Variants in TMEM132B observed in about 807,000 individuals in gnomAD.
TMEM132B encodes transmembrane protein 132B.
TMEM132B carries 18 observed loss-of-function variants against 90.8 expected under a neutral mutation model. The observed-to-expected ratio is 0.20, with a 90% CI of 0.14 to 0.29. The LOEUF is 0.29. TMEM132B is among the 10% of genes least tolerant of loss of function. The pLI, the probability that TMEM132B is intolerant of heterozygous loss-of-function variation, is 1.00. For missense variants in TMEM132B, 1,096 were observed against 1,326.8 expected (o/e 0.83, Z 2.70); for synonymous variants, 504 against 523.3 (o/e 0.96, Z 0.50).
chr12:125,505,616 A>T lies in TMEM132B; in HGVS notation c.1107-13823A>T, dbSNP rs188011063. On this transcript the variant is annotated intron_variant, in intron 3 of 8. Coordinates refer to ENST00000682704, the MANE Select transcript of TMEM132B (RefSeq NM_001366854.1). ...CGGGAGGCTGAGGCAGGAGAATCGC[A>T]TGAACCGGGAGGCAGAGGTTGCAGT... is the stretch of plus-strand genomic sequence containing the variant. 7.9e-3 allele frequency among the ~76,000 whole-genome samples: 1,203 copies of T among 151,794 alleles called. 10 individuals carry two copies. Among genetic ancestry groups the T allele is most frequent in the African/African-American group, 0.027 (1,126 of 41,390 alleles).
intron 5 of TMEM132B, among the ~76,000 whole-genome samples, chr12:125,614,991 T>TG (rs1885952343): frequency 1.3e-5 from 2 of 152,226 alleles, no homozygotes; most frequent in Admixed American, 1.3e-4. Context: ...CTTTTGAATG[T>TG]TATCCTGCTG....
chr12:125,349,783 C>T lies in TMEM132B; in HGVS notation c.399C>T (p.Ser133=). 1 of 1,614,210 alleles carries T rather than the reference C, an allele frequency of 6.2e-7. No individual in the cohort carries two copies. The highest frequency in any genetic ancestry group is 8.5e-7 in the Non-Finnish European group (1 of 1,180,042). ...TGAAATCCCACATCCTTGACAGCTCCATCTACTCCAACAGACCCAAAGTGC... is the reference window on the plus strand; with the variant it reads ...TGAAATCCCACATCCTTGACAGCTCTATCTACTCCAACAGACCCAAAGTGC... ...WKLKSHILDS[S]IYSNRPKVQT... is the part of the protein sequence containing the mutation. Residue 133 remains serine (S), a synonymous_variant, in exon 2 of 9, where the codon TCC becomes TCT. Transcript: ENST00000682704. The surrounding 1 kb of genome is among the most constrained non-coding windows in gnomAD (Gnocchi z 4.1).
intron 4 of TMEM132B, among the ~76,000 whole-genome samples, chr12:125,524,205 C>G (rs770535532): frequency 6.6e-6 from 1 of 152,188 alleles, no homozygotes; most frequent in Non-Finnish European, 1.5e-5. Flanking sequence ...GATGGATAAA[C>G]TGAGCCATAA....
chr12:125,384,054 C>G (rs577561778), intron 2 of TMEM132B, among the ~76,000 whole-genome samples: 1 of 152,288 alleles, frequency 6.6e-6, no homozygotes, highest in Admixed American at 6.5e-5. Flanking sequence ...TCAAGCGATT[C>G]TCCTGCCTCA....
chr12:125,525,450 C>G (rs1159590780), intron 4 of TMEM132B, among the ~76,000 whole-genome samples: 1 of 152,200 alleles, frequency 6.6e-6, no homozygotes, highest in East Asian at 1.9e-4. Context: ...TGTGCCTGTC[C>G]CTTCCGCCAT....
At chr12:125,578,633 A>C (rs1884986445) in intron 4 of TMEM132B, among the ~76,000 whole-genome samples, 2 of 152,086 alleles carry the variant, frequency 1.3e-5, no homozygotes, top group Non-Finnish European at 1.5e-5. Flanking sequence ...TGAGTCTGTT[A>C]GTGAAGAACT....
chr12:125,488,694 T>C (rs1415762593), intron 3 of TMEM132B, among the ~76,000 whole-genome samples: 1 of 152,236 alleles, frequency 6.6e-6, no homozygotes, highest in East Asian at 1.9e-4. Context: ...GTCTTAGATA[T>C]GTCTTTATCA....
In TMEM132B at chr12:125,302,281, C is replaced by T. The variant is rs149667198; in HGVS notation, c.68-47171C>T. On this transcript the variant is annotated intron_variant, in intron 1 of 8. Coordinates refer to ENST00000682704, the MANE Select transcript of TMEM132B (RefSeq NM_001366854.1). ...TAGGGAGGCTGAGGTGGGAGGATCA[C>T]CTGATCCCAGGAGGTGGAGGCTGTA... is the stretch of plus-strand genomic sequence containing the variant. Among the ~76,000 whole-genome samples, 672 of 151,984 alleles carry T rather than the reference C, an allele frequency of 4.4e-3. 1 individual carries two copies. The highest frequency in any genetic ancestry group is 8.2e-3 in the Non-Finnish European group (556 of 67,948).
Position 125,484,801 on chromosome 12 carries a change from C to T in TMEM132B, c.1107-34638C>T, listed in dbSNP as rs529605163. 2.0e-5 allele frequency among the ~76,000 whole-genome samples: 3 copies of T among 152,222 alleles called. No homozygotes were observed. The South Asian group carries it at 6.2e-4, about 32-fold the overall frequency. The stretch of plus-strand genomic sequence containing the variant: ...CAATTTTTTAGTAGAGATAGGGTCT[C>T]ACCACGTTGCCCAGGCTGATCTCAA... On this transcript the variant is annotated intron_variant, in intron 3 of 8. Coordinates refer to ENST00000682704, the MANE Select transcript of TMEM132B (RefSeq NM_001366854.1).
chr12:125,270,508 G>T (rs932054016), intron 1 of TMEM132B, among the ~76,000 whole-genome samples: 29 of 152,236 alleles, frequency 1.9e-4, no homozygotes, highest in African/African-American at 7.0e-4. Flanking sequence ...AGTGGAATGG[G>T]GCAACTGGGA....
Position 125,660,949 on chromosome 12 carries a change from G to A in TMEM132B, c.*6239G>A, listed in dbSNP as rs915953365. On this transcript the variant is annotated 3_prime_UTR_variant, in exon 9 of 9. Coordinates refer to ENST00000682704, the MANE Select transcript of TMEM132B (RefSeq NM_001366854.1). ...TACAGAGAGATGGATGCCGCTTTGG[G>A]ATTTGGGGTCTATGTAATGCTGATT... The A allele has an allele frequency of 1.3e-5, 2 of 152,198 alleles. No individual in the cohort carries two copies. Among genetic ancestry groups the A allele is most frequent in the Middle Eastern group, 3.2e-3 (1 of 316 alleles). The allele number at this position is 152,198 out of a possible 1,614,324, so 9.4% of individuals were successfully genotyped here.
At chr12:125,321,856 A>T (rs1876433508) in intron 1 of TMEM132B, among the ~76,000 whole-genome samples, 1 of 152,194 alleles carries the variant, frequency 6.6e-6, no homozygotes, top group Admixed American at 6.5e-5. Context: ...TACTTTAAAA[A>T]AAAAAAGACC....
chr12:125,624,201 A>G (rs1236133770), intron 5 of TMEM132B, among the ~76,000 whole-genome samples: 1 of 152,216 alleles, frequency 6.6e-6, no homozygotes, highest in Non-Finnish European at 1.5e-5. Context: ...AAATGTAGCC[A>G]AGTGCAAAGC....
intron 1 of TMEM132B, among the ~76,000 whole-genome samples, chr12:125,219,392 AGG>A (rs1873509869): frequency 1.3e-5 from 2 of 152,176 alleles, no homozygotes; most frequent in African/African-American, 4.8e-5. Context: ...ATTAATCAGA[AGG>A]TTGCTTAACG....
chr12:125,240,071 C>T (rs1165315788), intron 1 of TMEM132B, among the ~76,000 whole-genome samples: 1 of 152,210 alleles, frequency 6.6e-6, no homozygotes, highest in Non-Finnish European at 1.5e-5. Flanking sequence ...TGCCATGTGG[C>T]TTGCAGGGTC....
At chr12:125,556,095 T>C (rs1363345844) in intron 4 of TMEM132B, among the ~76,000 whole-genome samples, 1 of 152,248 alleles carries the variant, frequency 6.6e-6, no homozygotes, top group African/African-American at 2.4e-5. Flanking sequence ...ATTCAGAAAT[T>C]TTATTCGAGC....
chr12:125,364,446 A>G (rs1050166445), intron 2 of TMEM132B, among the ~76,000 whole-genome samples: 1 of 152,216 alleles, frequency 6.6e-6, no homozygotes, highest in Middle Eastern at 3.4e-3. Context: ...TCATCCATCA[A>G]TCCATCTTAT....
intron 1 of TMEM132B, among the ~76,000 whole-genome samples, chr12:125,266,949 G>C (rs979612100): frequency 4.6e-5 from 7 of 152,180 alleles, no homozygotes; most frequent in Non-Finnish European, 1.0e-4. Context: ...ATTGGACCCA[G>C]GATAGTGAGC....
chr12:125,653,751 A>G lies in TMEM132B; in HGVS notation c.2293A>G (p.Lys765Glu). ...AEGEGQGPLI[K>E]LEMMISEPCQ... ...GGGTGAAGGACAAGGGCCTTTGATT[A>G]AGTTAGAAATGATGATAAGTGAACC... The change falls in exon 9 of 9, where the codon AAG becomes GAG. Residue 765 changes from lysine to glutamate, a missense_variant. Transcript: ENST00000682704. The G allele has an allele frequency of 1.2e-6, 2 of 1,614,216 alleles. No homozygotes were observed. The highest frequency in any genetic ancestry group is 8.5e-7 in the Non-Finnish European group (1 of 1,180,040).
Sources: allele counts gnomAD v4.1 joint callset (sites outside exome capture counted in the v4.1 genomes callset), GRCh38; gene constraint gnomAD v4.1.1; non-coding constraint Gnocchi (gnomAD v3.1); transcripts MANE v1.5; gene names NCBI Gene and HGNC (gene_info 2026-07-23, HGNC 2026-07-21).